PSMD3: variants seen among roughly 807,000 people sequenced by gnomAD.
PSMD3 encodes the protein 26S proteasome non-ATPase regulatory subunit 3.
Under a neutral mutation model 62.8 loss-of-function variants are expected in PSMD3, and 5 were observed. The observed-to-expected ratio is 0.08, with a 90% CI of 0.04 to 0.17. The LOEUF (loss-of-function observed/expected upper bound fraction) is 0.17. Among genes scored for constraint, PSMD3 ranks in the 10% least tolerant of loss-of-function variants. The probability of loss-of-function intolerance (pLI) is 1.00; values close to 1 mark genes in which losing one functional copy is unlikely to be tolerated. For missense variants in PSMD3, 524 were observed against 713.6 expected, an observed-to-expected ratio of 0.73 and a Z score of 3.03; for synonymous variants, 265 against 283.9, an observed-to-expected ratio of 0.93 and a Z score of 0.67.
intron 6 of PSMD3, among the ~76,000 whole-genome samples, chr17:39,992,453 C>T (rs1598314307): frequency 6.6e-6 from 1 of 152,126 alleles, no homozygotes; most frequent in African/African-American, 2.4e-5. Flanking sequence ...CTGTAGATTC[C>T]GATTCAGAGA....
chr17:39,991,597 A>G (rs139536037), intron 6 of PSMD3, among the ~76,000 whole-genome samples: 223 of 152,324 alleles, frequency 1.5e-3, no homozygotes, highest in African/African-American at 5.2e-3. Flanking sequence ...TCCTACCTTC[A>G]CACAACATCC....
Position 39,996,327 on chromosome 17 carries a change from A to G in PSMD3, c.1465A>G (p.Met489Val). ...CTCCTTCTGCCTAGATATCCACAAC[A>G]TGTCTGTCAAGGTGAGAAGCCCGTG... The part of the protein sequence containing the change: ...RISFCLDIHN[M>V]SVKAMRFPPK... Residue 489 changes from methionine to valine, a missense_variant, in exon 10 of 12, where the codon ATG becomes GTG. Met to Val is a conservative substitution (Grantham distance 21, BLOSUM62 1). Transcript: ENST00000264639. The surrounding 1 kb of genome is among the most constrained non-coding windows in gnomAD (Gnocchi z 5.1). The G allele has an allele frequency of 1.9e-6, 3 of 1,613,570 alleles. No homozygotes were observed. Among genetic ancestry groups the G allele is most frequent in the East Asian group, 2.2e-5 (1 of 44,858 alleles).
In PSMD3 at chr17:39,996,211, G is replaced by C. The variant is rs1238716719; in HGVS notation, c.1349G>C (p.Ser450Thr). ...KAIRDGVIEA[S>T]INHEKGYVQS... The stretch of plus-strand genomic sequence containing the variant: ...ATCCGGGATGGTGTCATTGAGGCCA[G>C]CATCAACCACGAGAAGGGCTATGTC... Residue 450 changes from serine to threonine, a missense_variant, in exon 10 of 12, where the codon AGC (serine) becomes ACC (threonine). By Grantham distance (58) the Ser-to-Thr change is moderately conservative (BLOSUM62 1). This residue lies in a region of PSMD3 where 76 missense variants were observed against 97.3 expected (regional missense o/e 0.78). Transcript: ENST00000264639. This position sits in a 1 kb window ranked among gnomAD's most constrained non-coding sequence, Gnocchi z 5.1. 4.3e-6 allele frequency: 7 copies of C among 1,613,798 alleles called. No individual in the cohort carries two copies. Among genetic ancestry groups the C allele is most frequent in the Non-Finnish European group, 5.1e-6 (6 of 1,180,030 alleles).
rs374423511 is a variant in PSMD3 at position 39,989,980 on chromosome 17, G to A, written c.877+51G>A. On this transcript the variant is annotated intron_variant, in intron 5 of 11. Transcript: ENST00000264639. ...ATCAGAAGGTGTCTCAGGCCTGCCTGGTGCAAATTTTCCAAGGGGTGGTGC... is the reference window on the plus strand; with the variant it reads ...ATCAGAAGGTGTCTCAGGCCTGCCTAGTGCAAATTTTCCAAGGGGTGGTGC... 1.9e-6 allele frequency: 3 copies of A among 1,592,396 alleles called. No homozygotes were observed. The East Asian group carries it at 6.8e-5, about 36-fold the overall frequency.
At position 39,980,887 on chromosome 17, in the gene PSMD3, C is replaced by A; in HGVS notation, c.-84C>A. The A allele has an allele frequency of 1.6e-6, 2 of 1,254,842 alleles. No individual in the cohort carries two copies. Among genetic ancestry groups the A allele is most frequent in the South Asian group, 1.6e-5 (1 of 63,636 alleles). 77.7% of individuals were successfully genotyped at this position (1,254,842 alleles called of 1,614,324 possible). A position where few individuals can be genotyped will look rare whatever the true frequency, so the allele number is the denominator to read the frequency against. On this transcript the variant is annotated 5_prime_UTR_variant, in exon 1 of 12. Transcript: ENST00000264639. ...CGCTATCTCGCGCTCGTGTGCAGGC[C>A]CGGCTCGGCTCCTGGTCCCCGGTGC...
In PSMD3 at chr17:39,984,333, C is replaced by T; in HGVS notation, c.260C>T (p.Ser87Leu). The T allele has an allele frequency of 6.2e-7, 1 of 1,612,886 alleles. No individual in the cohort carries two copies. Residue 87 changes from serine to leucine, a missense_variant, in exon 2 of 12, where the codon TCA becomes TTA. Ser to Leu is a moderately radical substitution (Grantham distance 145). Coordinates refer to ENST00000264639, the MANE Select transcript of PSMD3 (RefSeq NM_002809.4). ...GTGAAACAGCTAGAGAAAGCGGTTTCAGGCAAGGAGCCGAGATTCGTGCTG... is the reference window on the plus strand; with the variant it reads ...GTGAAACAGCTAGAGAAAGCGGTTTTAGGCAAGGAGCCGAGATTCGTGCTG... ...EHVKQLEKAV[S>L]GKEPRFVLRA...
rs191828750 is a variant in PSMD3, at chr17:39,983,214, G to A, written c.221-1080G>A. On this transcript the variant is annotated intron_variant, in intron 1 of 11. Transcript: ENST00000264639. ...CGCCCGGCTAATTTTTTTATTTTTAGTAGAGACTGGGTTTCACCATGTTGG... is the reference window on the plus strand; with the variant it reads ...CGCCCGGCTAATTTTTTTATTTTTAATAGAGACTGGGTTTCACCATGTTGG... 5.1e-4 allele frequency among the ~76,000 whole-genome samples: 78 copies of A among 152,116 alleles called. No homozygotes were observed. The Middle Eastern group carries it at 0.01, about 20-fold the overall frequency.
chr17:39,982,771 C>T (rs11655584), intron 1 of PSMD3, among the ~76,000 whole-genome samples: 24,624 of 152,166 alleles, frequency 0.16, 3,247 homozygotes, highest in African/African-American at 0.37. Flanking sequence ...TAAGAAACTA[C>T]TCATTGATTG....
At chr17:39,985,422 G>C (rs1980500337) in intron 2 of PSMD3, among the ~76,000 whole-genome samples, 1 of 152,250 alleles carries the variant, frequency 6.6e-6, no homozygotes, top group Non-Finnish European at 1.5e-5. Context: ...CTGGTACGTA[G>C]TGAATGCAGA....
At chr17:39,986,748 C>T in intron 3 of PSMD3, 36 bp downstream of exon 3, 1 of 1,609,376 alleles carries the variant, frequency 6.2e-7, no homozygotes, top group Non-Finnish European at 8.5e-7. Context: ...TCATAAGCCC[C>T]AAGTGATGCA....
At chr17:39,992,063 A>C (rs1228915342) in intron 6 of PSMD3, among the ~76,000 whole-genome samples, 2 of 151,764 alleles carry the variant, frequency 1.3e-5, no homozygotes, top group African/African-American at 4.8e-5. Flanking sequence ...GGTCTTTGAA[A>C]GATGGGTAGG....
chr17:39,996,734 G>C lies in PSMD3; in HGVS notation c.1476+396G>C. On this transcript the variant is annotated intron_variant, in intron 10 of 11. Transcript: ENST00000264639. This position sits in a 1 kb window ranked among gnomAD's most constrained non-coding sequence, Gnocchi z 5.1. ...AGATTAAAAGAAGTCCCTGTATTGA[G>C]GCACTTAGCGAAGTCTAAATTGTAA... 2.1e-6 allele frequency: 1 copy of C among 473,388 alleles called. No homozygotes were observed. The highest frequency in any genetic ancestry group is 4.2e-6 in the Non-Finnish European group (1 of 238,940). The allele number at this position is 473,388 out of a possible 1,614,324, so 29.3% of individuals were successfully genotyped here. A position where few individuals can be genotyped will look rare whatever the true frequency, so the allele number is the denominator to read the frequency against.
At position 39,996,331 on chromosome 17, in the gene PSMD3, C is replaced by T; in HGVS notation, c.1469C>T (p.Ser490Phe). ...TTCTGCCTAGATATCCACAACATGT[C>T]TGTCAAGGTGAGAAGCCCGTGGCTG... ...ISFCLDIHNM[S>F]VKAMRFPPKS... The change falls in exon 10 of 12, where the codon TCT (serine) becomes TTT (phenylalanine). Residue 490 changes from serine to phenylalanine, a missense_variant. Ser to Phe is a radical substitution (Grantham distance 155). Coordinates refer to ENST00000264639, the MANE Select transcript of PSMD3 (RefSeq NM_002809.4). This position sits in a 1 kb window ranked among gnomAD's most constrained non-coding sequence, Gnocchi z 5.1. The T allele has an allele frequency of 6.2e-7, 1 of 1,613,934 alleles. No individual in the cohort carries two copies. Among genetic ancestry groups the T allele is most frequent in the Non-Finnish European group, 8.5e-7 (1 of 1,179,986 alleles).
chr17:39,997,671 A>C lies in PSMD3; in HGVS notation c.*90A>C, dbSNP rs1980819069. The stretch of plus-strand genomic sequence containing the variant: ...CCCAGGGCACTGTCCCCATTTTCCC[A>C]CACACAGCTCATATGCTGCATTCGT... On this transcript the variant is annotated 3_prime_UTR_variant, in exon 12 of 12. Coordinates refer to ENST00000264639, the MANE Select transcript of PSMD3 (RefSeq NM_002809.4). 2 of 1,434,598 alleles carry C rather than the reference A, an allele frequency of 1.4e-6. No homozygotes were observed. Among genetic ancestry groups the C allele is most frequent in the Non-Finnish European group, 1.9e-6 (2 of 1,036,568 alleles). 88.9% of individuals were successfully genotyped at this position (1,434,598 alleles called of 1,614,324 possible). A position where few individuals can be genotyped will look rare whatever the true frequency, so the allele number is the denominator to read the frequency against.
At chr17:39,990,036 C>T (rs1277938860) in intron 5 of PSMD3, 58 bp from the exon 6 acceptor site, 12 of 1,594,174 alleles carry the variant, frequency 7.5e-6, no homozygotes, top group Middle Eastern at 1.7e-4. Context: ...CCTGGCTTGT[C>T]GGTGGGGAGT....
intron 3 of PSMD3, among the ~76,000 whole-genome samples, chr17:39,987,240 C>T (rs184364878): frequency 3.3e-5 from 5 of 152,360 alleles, no homozygotes; most frequent in Admixed American, 3.3e-4. Context: ...CCAGCTAGGG[C>T]CAGCTTCTTT....
Position 39,994,691 on chromosome 17 carries a change from C to T in PSMD3, c.982-263C>T, listed in dbSNP as rs1012628779. ...CACTGTCATTTCAGAGCAGACTACG[C>T]GCGGGGTGGCCAGGTGAAATGCAGC... On this transcript the variant is annotated intron_variant, in intron 6 of 11. Coordinates refer to ENST00000264639, the MANE Select transcript of PSMD3 (RefSeq NM_002809.4). The T allele has an allele frequency of 4.0e-5, 20 of 498,252 alleles. 1 individual carries two copies. Among genetic ancestry groups the T allele is most frequent in the East Asian group, 1.9e-4 (5 of 26,922 alleles). The allele number at this position is 498,252 out of a possible 1,614,324, so 30.9% of individuals were successfully genotyped here.
chr17:39,981,019 C>G lies in PSMD3; in HGVS notation c.49C>G (p.Pro17Ala), dbSNP rs746753908. Residue 17 changes from proline (P) to alanine (A), a missense_variant, in exon 1 of 12, where the codon CCG becomes GCG. By Grantham distance (27) the Pro-to-Ala change is conservative. Coordinates refer to ENST00000264639, the MANE Select transcript of PSMD3 (RefSeq NM_002809.4). Reference protein sequence around the residue: ...ARRRGADKAKPPPGGGEQEPP... With the variant: ...ARRRGADKAKAPPGGGEQEPP... ...GCGCCGCGGCGCGGACAAGGCGAAACCGCCGCCCGGCGGAGGAGAACAAGA... is the reference window on the plus strand; with the variant it reads ...GCGCCGCGGCGCGGACAAGGCGAAAGCGCCGCCCGGCGGAGGAGAACAAGA... 1 of 1,548,888 alleles carries G rather than the reference C, an allele frequency of 6.5e-7. No homozygotes were observed. Among genetic ancestry groups the G allele is most frequent in the Non-Finnish European group, 8.7e-7 (1 of 1,146,648 alleles).
At chr17:39,989,004 G>A (rs1378610418) in intron 4 of PSMD3, among the ~76,000 whole-genome samples, 185 bp downstream of exon 4, 1 of 152,186 alleles carries the variant, frequency 6.6e-6, no homozygotes, top group Non-Finnish European at 1.5e-5. Context: ...AGATGAAGAA[G>A]TGGGTCACTG....
Sources: gnomAD v4.1 joint callset for allele counts (sites outside exome capture counted in the v4.1 genomes callset) on GRCh38, gnomAD v4.1.1 for gene constraint, gnomAD v4.1.1 regional missense constraint, Gnocchi (gnomAD v3.1) non-coding constraint, MANE v1.5 for transcripts, NCBI Gene and HGNC (gene_info 2026-07-23, HGNC 2026-07-21) for gene names.